Variants in TENM2 observed in about 807,000 individuals in gnomAD.
The protein encoded by TENM2 is teneurin transmembrane protein 2.
In TENM2, 52 loss-of-function variants were observed where a neutral mutation model predicts 245.2. That is an observed-to-expected ratio of 0.21 (90% CI 0.17 to 0.27). The LOEUF is 0.27. Among genes scored for constraint, TENM2 ranks in the 10% least tolerant of loss-of-function variants. The pLI is 1.00. For synonymous variants in TENM2, 1,363 were observed against 1,438.9 expected, an observed-to-expected ratio of 0.95 and a Z score of 1.19; for missense variants, 3,046 against 3,666.8, an observed-to-expected ratio of 0.83 and a Z score of 4.37.
the TENM2 span, among the ~76,000 whole-genome samples, chr5:167,018,312 G>A: frequency 6.6e-6 from 1 of 151,852 alleles, no homozygotes; most frequent in Non-Finnish European, 1.5e-5. Context: ...ATTCAGCCCT[G>A]TGATTCAGGC....
chr5:168,009,276 G>T (rs563163669), intron 5 of TENM2, among the ~76,000 whole-genome samples: 3 of 152,310 alleles, frequency 2.0e-5, no homozygotes, highest in Non-Finnish European at 4.4e-5. Flanking sequence ...AATCTTGAAA[G>T]AAGAAACTTG....
At chr5:167,742,977 AAACAAC>A (rs139078440) in intron 2 of TENM2, among the ~76,000 whole-genome samples, 38,286 of 147,496 alleles carry the variant, frequency 0.26, 6,395 homozygotes, top group African/African-American at 0.47. Flanking sequence ...CTTGTCTTAA[AAACAAC>A]AACAACAACA....
intron 1 of TENM2, 148 bp downstream of exon 3, chr5:167,285,211 A>G: frequency 1.6e-6 from 1 of 631,666 alleles, no homozygotes; most frequent in East Asian, 2.7e-5. Context: ...GACATTCCTA[A>G]CAACATGGTG....
chr5:167,273,876 G>T, the TENM2 span, among the ~76,000 whole-genome samples: 2 of 152,024 alleles, frequency 1.3e-5, no homozygotes, highest in African/African-American at 4.8e-5. Flanking sequence ...GGAATTTGAG[G>T]CCAGGTATGT....
the TENM2 span, among the ~76,000 whole-genome samples, chr5:167,003,248 C>A: frequency 2.0e-5 from 3 of 152,116 alleles, no homozygotes; most frequent in African/African-American, 7.2e-5. Flanking sequence ...TAGGATACAG[C>A]AGAATTGCTG....
At chr5:167,050,485 G>A in the TENM2 span, among the ~76,000 whole-genome samples, 3 of 152,306 alleles carry the variant, frequency 2.0e-5, no homozygotes, top group East Asian at 5.8e-4. Flanking sequence ...TAAAAGACAG[G>A]CACTATGCCT....
the TENM2 span, among the ~76,000 whole-genome samples, chr5:167,262,576 G>A: frequency 1.3e-5 from 2 of 152,008 alleles, no homozygotes; most frequent in East Asian, 1.9e-4. Flanking sequence ...GGGGGTTGTG[G>A]GAGAGATTAA....
chr5:168,202,692 C>A (rs1156621998), intron 17 of TENM2, among the ~76,000 whole-genome samples: 1 of 151,720 alleles, frequency 6.6e-6, no homozygotes, highest in African/African-American at 2.4e-5. Context: ...TTTCAGAGGA[C>A]AAGCTAGGAA....
intron 12 of TENM2, among the ~76,000 whole-genome samples, chr5:168,133,070 C>G (rs558868770): frequency 6.6e-6 from 1 of 152,290 alleles, no homozygotes. Context: ...CAAGCCTTCC[C>G]GACCTCAATT....
intron 2 of TENM2, among the ~76,000 whole-genome samples, chr5:167,527,604 G>A (rs1002292812): frequency 6.6e-6 from 1 of 152,134 alleles, no homozygotes; most frequent in Non-Finnish European, 1.5e-5. Flanking sequence ...TGACCTCAGT[G>A]TAGAAATACT....
chr5:167,033,630 G>A, the TENM2 span, among the ~76,000 whole-genome samples: 1 of 152,100 alleles, frequency 6.6e-6, no homozygotes, highest in African/African-American at 2.4e-5. Context: ...TAGTAATTTT[G>A]TACAGTCGCT....
At chr5:167,231,928 A>G in the TENM2 span, among the ~76,000 whole-genome samples, 2 of 152,212 alleles carry the variant, frequency 1.3e-5, no homozygotes, top group Non-Finnish European at 2.9e-5. Context: ...GGTGCCCTGC[A>G]TGCCAGCTGT....
At chr5:167,428,097 A>AT (rs1763987983) in intron 2 of TENM2, among the ~76,000 whole-genome samples, 1 of 152,182 alleles carries the variant, frequency 6.6e-6, no homozygotes, top group Non-Finnish European at 1.5e-5. Flanking sequence ...CTATTAATTT[A>AT]TGCAAGTCTT....
In TENM2 at chr5:167,496,849, C is replaced by T. The variant is rs200312369; in HGVS notation, c.502+121376C>T. Among the ~76,000 whole-genome samples, 33 of 152,178 alleles carry T rather than the reference C, an allele frequency of 2.2e-4. No homozygotes were observed. The East Asian group carries it at 5.4e-3, about 25-fold the overall frequency. ...TAGTCCTCAAAAATGGAGCATTTTA[C>T]ATCAGCACTGCTAGAGAGACTTACA... On this transcript the variant is annotated intron_variant, in intron 2 of 28. Coordinates refer to ENST00000518659, the Ensembl canonical transcript of TENM2.
At chr5:168,190,468 T>C (rs756659315) in exon 14 of TENM2, 3 of 1,613,978 alleles carry the variant, frequency 1.9e-6, no homozygotes, top group Non-Finnish European at 2.5e-6. Context: ...CGCAGTGAAG[T>C]CCTTCTATGA....
chr5:168,258,832 G>A lies in TENM2; in HGVS notation c.7433-1451G>A, dbSNP rs116538587. ...CATTGTGAATGTACTGGAAACCACTGAATTGTGCACTTTCAAATGGTGAAT... is the reference window on the plus strand; with the variant it reads ...CATTGTGAATGTACTGGAAACCACTAAATTGTGCACTTTCAAATGGTGAAT... On this transcript the variant is annotated intron_variant, in intron 27 of 28. Coordinates refer to ENST00000518659, the Ensembl canonical transcript of TENM2. Among the ~76,000 whole-genome samples, 595 of 152,230 alleles carry A rather than the reference G, an allele frequency of 3.9e-3. 3 individuals are homozygous for A. Among genetic ancestry groups the A allele is most frequent in the African/African-American group, 0.013 (549 of 41,532 alleles).
At chr5:167,724,450 G>A (rs1341766657) in intron 2 of TENM2, among the ~76,000 whole-genome samples, 1 of 152,046 alleles carries the variant, frequency 6.6e-6, no homozygotes, top group Admixed American at 6.6e-5. Flanking sequence ...CTATGGTTGA[G>A]GCATTATTTA....
chr5:167,997,794 G>A (rs188518571), intron 5 of TENM2, among the ~76,000 whole-genome samples: 16 of 152,244 alleles, frequency 1.1e-4, no homozygotes, highest in Admixed American at 2.6e-4. Context: ...GATTTGGTCC[G>A]CAGGCCATAG....
chr5:167,968,057 T>C (rs1422934), intron 4 of TENM2, among the ~76,000 whole-genome samples: 44,798 of 152,076 alleles, frequency 0.29, 7,108 homozygotes, highest in African/African-American at 0.41. Context: ...GTCTTGGCCT[T>C]ATTTGCTTTT....
Sources: gnomAD v4.1 joint callset for allele counts (sites outside exome capture counted in the v4.1 genomes callset) on GRCh38, gnomAD v4.1.1 for gene constraint, MANE v1.5 for transcripts, NCBI Gene and HGNC (gene_info 2026-07-23, HGNC 2026-07-21) for gene names.